Variants in TNNI3K observed in about 807,000 individuals in gnomAD.
TNNI3K encodes TNNI3 interacting kinase.
A neutral mutation model predicts 114.5 loss-of-function variants in TNNI3K; 140 were observed. That is an observed-to-expected ratio of 1.22 (90% CI 1.07 to 1.41). TNNI3K has a LOEUF of 1.41. Among genes scored for constraint, TNNI3K ranks in the 40% most tolerant of loss-of-function variants. The pLI, the probability that TNNI3K is intolerant of heterozygous loss-of-function variation, is 0.00. For synonymous variants in TNNI3K, 347 were observed against 347.5 expected (o/e 1.00, Z 0.02); for missense variants, 1,125 against 1,007.6 (o/e 1.12, Z -1.58).
At chr1:74,258,278 A>G (rs184613334) in intron 4 of TNNI3K, among the ~76,000 whole-genome samples, 3 of 151,942 alleles carry the variant, frequency 2.0e-5, no homozygotes, top group African/African-American at 7.3e-5. Flanking sequence ...CTCTCTGTGC[A>G]GCTTCTTCTT....
intron 2 of TNNI3K, among the ~76,000 whole-genome samples, chr1:74,236,587 A>G (rs1235658192): frequency 1.3e-5 from 2 of 151,824 alleles, no homozygotes; most frequent in Non-Finnish European, 2.9e-5. Context: ...TATTGGCCAC[A>G]TTGTTCTCTT....
At chr1:74,279,679 G>A (rs1209834871) in intron 5 of TNNI3K, among the ~76,000 whole-genome samples, 1 of 152,188 alleles carries the variant, frequency 6.6e-6, no homozygotes, top group Non-Finnish European at 1.5e-5. Context: ...TGATTTAAGT[G>A]CTTTAGTAAC....
chr1:74,538,647 G>T (rs1199093557), intron 23 of TNNI3K, among the ~76,000 whole-genome samples: 1 of 152,162 alleles, frequency 6.6e-6, no homozygotes, highest in Middle Eastern at 3.2e-3. Context: ...TGGTGGTCAG[G>T]ATCTATTCTT....
At chr1:74,269,351 G>T (rs1040880780) in intron 4 of TNNI3K, among the ~76,000 whole-genome samples, 3 of 151,838 alleles carry the variant, frequency 2.0e-5, no homozygotes, top group African/African-American at 7.2e-5. Flanking sequence ...TGTCACCACT[G>T]CTCAGAAAAG....
intron 21 of TNNI3K, chr1:74,471,657 G>T: frequency 2.5e-6 from 1 of 400,702 alleles, no homozygotes; most frequent in South Asian, 1.3e-4. Flanking sequence ...TTGATATTTT[G>T]GGTGACATCA....
At chr1:74,261,677 G>A (rs1481014465) in intron 4 of TNNI3K, among the ~76,000 whole-genome samples, 1 of 152,072 alleles carries the variant, frequency 6.6e-6, no homozygotes, top group African/African-American at 2.4e-5. Context: ...ATCTAATTTA[G>A]CCTTACATGT....
intron 11 of TNNI3K, among the ~76,000 whole-genome samples, chr1:74,359,552 T>A (rs987825744): frequency 2.0e-5 from 3 of 151,990 alleles, no homozygotes; most frequent in Non-Finnish European, 4.4e-5. Context: ...ATGGCTCAAG[T>A]TATACCATTA....
chr1:74,409,887 G>A (rs1468272768), intron 17 of TNNI3K, among the ~76,000 whole-genome samples: 1 of 151,998 alleles, frequency 6.6e-6, no homozygotes, highest in East Asian at 1.9e-4. Flanking sequence ...ATTGACAATT[G>A]GATAAGTTAG....
intron 21 of TNNI3K, chr1:74,468,538 TGAA>T (rs1377928605): frequency 6.6e-6 from 1 of 152,022 alleles, no homozygotes; most frequent in Non-Finnish European, 1.5e-5. Context: ...CGAGAAAAGA[TGAA>T]GAAGAGAGGT....
chr1:74,467,849 C>T (rs1667743381), intron 21 of TNNI3K, among the ~76,000 whole-genome samples: 2 of 152,062 alleles, frequency 1.3e-5, no homozygotes, highest in Admixed American at 1.3e-4. Flanking sequence ...TCAGATGGAG[C>T]CTGAAACTCC....
intron 23 of TNNI3K, among the ~76,000 whole-genome samples, chr1:74,535,752 A>G (rs1646653457): frequency 6.6e-6 from 1 of 152,182 alleles, no homozygotes; most frequent in South Asian, 2.1e-4. Context: ...TGGGAATGTC[A>G]TCTATATGAA....
chr1:74,393,602 A>G (rs1413502168), intron 17 of TNNI3K, among the ~76,000 whole-genome samples: 1 of 152,208 alleles, frequency 6.6e-6, no homozygotes, highest in Non-Finnish European at 1.5e-5. Flanking sequence ...TCAAGTAACA[A>G]ATATTTACAA....
At chr1:74,432,885 G>A (rs867966828) in intron 17 of TNNI3K, among the ~76,000 whole-genome samples, 196 of 152,014 alleles carry the variant, frequency 1.3e-3, no homozygotes, top group African/African-American at 4.3e-3. Context: ...CTGAATCCTG[G>A]CTCTACCTCT....
rs531325778 is a variant in TNNI3K at position 74,493,604 on chromosome 1, A to C, written c.2351+1338A>C. ...CCCATCCCAGAATTCAGGGATATAC[A>C]ATCATAATCATTTATTTCTTGCTCA... On this transcript the variant is annotated intron_variant, in intron 23 of 24. Transcript: ENST00000326637. Among the ~76,000 whole-genome samples, 6 of 152,310 alleles carry C rather than the reference A, an allele frequency of 3.9e-5. No individual in the cohort carries two copies. The East Asian group carries it at 9.6e-4, about 24-fold the overall frequency.
chr1:74,479,211 A>G (rs997305674), intron 21 of TNNI3K, among the ~76,000 whole-genome samples: 1 of 152,086 alleles, frequency 6.6e-6, no homozygotes, highest in Admixed American at 6.6e-5. Context: ...GGATTTCACC[A>G]TGCACTGAGA....
intron 23 of TNNI3K, among the ~76,000 whole-genome samples, chr1:74,497,509 A>G (rs968914113): frequency 6.6e-6 from 1 of 151,736 alleles, no homozygotes; most frequent in Non-Finnish European, 1.5e-5. Flanking sequence ...TCCTCTTTCC[A>G]TGGGTCTTCT....
intron 24 of TNNI3K, chr1:74,541,462 G>A (rs1646725820): frequency 6.6e-6 from 1 of 152,034 alleles, no homozygotes; most frequent in Admixed American, 6.6e-5. Context: ...CCTTTTGAGG[G>A]GGAAAATGCA....
At chr1:74,266,114 G>A (rs920664361) in intron 4 of TNNI3K, among the ~76,000 whole-genome samples, 9 of 151,940 alleles carry the variant, frequency 5.9e-5, no homozygotes, top group East Asian at 1.9e-4. Flanking sequence ...ACAGGATGCC[G>A]TGTGGATGGC....
chr1:74,465,642 G>T (rs1287998963), intron 21 of TNNI3K, among the ~76,000 whole-genome samples: 5 of 152,202 alleles, frequency 3.3e-5, no homozygotes, highest in Non-Finnish European at 5.9e-5. Context: ...GAGGAGTGCA[G>T]GCGCATGATG....
Sources: allele counts gnomAD v4.1 joint callset (sites outside exome capture counted in the v4.1 genomes callset), GRCh38; gene constraint gnomAD v4.1.1; transcripts MANE v1.5; gene names NCBI Gene and HGNC (gene_info 2026-07-23, HGNC 2026-07-21).